Variants in ATOSB observed in about 807,000 individuals in gnomAD.
The protein encoded by ATOSB is atos homolog B.
At chr9:35,113,870 A>G in the ATOSB span, among the ~76,000 whole-genome samples, 1 of 152,142 alleles carries the variant, frequency 6.6e-6, no homozygotes, top group Non-Finnish European at 1.5e-5. Context: ...GCAATGTTCA[A>G]TAAACATTGA....
the ATOSB span, chr9:35,106,579 GAAC>G: frequency 1.3e-6 from 2 of 1,571,014 alleles, no homozygotes; most frequent in Admixed American, 3.8e-5. The surrounding 1 kb of genome is among the most constrained non-coding windows in gnomAD (Gnocchi z 4.6). Context: ...GCAGGGGTAG[GAAC>G]AGGGGAGGCA....
At chr9:35,106,361 A>T in the ATOSB span, 1 of 1,614,200 alleles carries the variant, frequency 6.2e-7, no homozygotes. The surrounding 1 kb of genome is among the most constrained non-coding windows in gnomAD (Gnocchi z 4.6). Context: ...TTCTGCTGTG[A>T]AGCCCTCAAT....
At chr9:35,114,774 T>C in the ATOSB span, among the ~76,000 whole-genome samples, 1 of 152,082 alleles carries the variant, frequency 6.6e-6, no homozygotes, top group Non-Finnish European at 1.5e-5. Context: ...ACAGAAGCCC[T>C]AGCGTTCCCT....
chr9:35,104,832 G>A, the ATOSB span: 1 of 174,506 alleles, frequency 5.7e-6, no homozygotes, highest in East Asian at 1.9e-4. Context: ...ATTATCAGGT[G>A]TGGGAGGTTA....
At chr9:35,109,827 TC>T in the ATOSB span, 67 of 152,440 alleles carry the variant, frequency 4.4e-4, no homozygotes, top group African/African-American at 1.6e-3. Flanking sequence ...GGGTAAGGCA[TC>T]TTCTAGACCG....
the ATOSB span, chr9:35,106,851 C>G: frequency 1.9e-6 from 3 of 1,572,076 alleles, no homozygotes; most frequent in South Asian, 2.3e-5. The surrounding 1 kb of genome is among the most constrained non-coding windows in gnomAD (Gnocchi z 4.6). Context: ...GCGACGGGCT[C>G]CTTTCAGCCT....
At chr9:35,108,395 T>G in the ATOSB span, 1 of 1,411,850 alleles carries the variant, frequency 7.1e-7, no homozygotes, top group Non-Finnish European at 9.2e-7. Flanking sequence ...AATCAATGAG[T>G]CTTCTTCCTT....
chr9:35,108,271 G>A, the ATOSB span: 16 of 1,544,728 alleles, frequency 1.0e-5, no homozygotes, highest in Non-Finnish European at 1.3e-5. Flanking sequence ...TGCACGTGGC[G>A]CATGAAGCCC....
chr9:35,110,317 T>G, the ATOSB span: 1 of 152,500 alleles, frequency 6.6e-6, no homozygotes, highest in Admixed American at 6.5e-5. Flanking sequence ...GCCATACAGA[T>G]TCAGGAGGGG....
chr9:35,111,749 G>A, the ATOSB span, among the ~76,000 whole-genome samples: 1 of 152,172 alleles, frequency 6.6e-6, no homozygotes, highest in Admixed American at 6.6e-5. Flanking sequence ...CCCCCTCCAA[G>A]AGGCACACGC....
At chr9:35,113,492 C>T in the ATOSB span, among the ~76,000 whole-genome samples, 6 of 151,982 alleles carry the variant, frequency 3.9e-5, no homozygotes, top group African/African-American at 1.2e-4. Context: ...AGTGTGGTGG[C>T]GCGCACCTGT....
At chr9:35,105,397 A>G in the ATOSB span, 1 of 1,593,410 alleles carries the variant, frequency 6.3e-7, no homozygotes, top group Non-Finnish European at 8.6e-7. The surrounding 1 kb of genome is among the most constrained non-coding windows in gnomAD (Gnocchi z 5.5). Flanking sequence ...AATGTGATCA[A>G]CGTAAGAATC....
the ATOSB span, among the ~76,000 whole-genome samples, chr9:35,113,514 C>T: frequency 6.6e-6 from 1 of 152,148 alleles, no homozygotes; most frequent in Non-Finnish European, 1.5e-5. Context: ...ATCCCAGCTA[C>T]TCAGGAGGCT....
chr9:35,112,874 A>T, the ATOSB span, among the ~76,000 whole-genome samples: 2 of 152,004 alleles, frequency 1.3e-5, no homozygotes, highest in African/African-American at 4.8e-5. Context: ...TAGATAGTAA[A>T]AAGAGGCTCC....
the ATOSB span, among the ~76,000 whole-genome samples, chr9:35,114,020 G>C: frequency 6.6e-6 from 1 of 152,190 alleles, no homozygotes; most frequent in African/African-American, 2.4e-5. Context: ...TGAGGTGTTT[G>C]TATAAACAAT....
the ATOSB span, chr9:35,106,730 T>C: frequency 6.8e-7 from 1 of 1,470,396 alleles, no homozygotes; most frequent in African/African-American, 1.4e-5. The surrounding 1 kb of genome is among the most constrained non-coding windows in gnomAD (Gnocchi z 4.6). Context: ...TCTGCCACTA[T>C]GTAGGGCTTC....
chr9:35,109,788 A>G, the ATOSB span: 1 of 152,296 alleles, frequency 6.6e-6, no homozygotes. Flanking sequence ...ACTTCCTGTA[A>G]GCTCACTAAC....
At chr9:35,104,557 CACAT>C in the ATOSB span, 1 of 347,516 alleles carries the variant, frequency 2.9e-6, no homozygotes, top group Non-Finnish European at 6.2e-6. Flanking sequence ...CACTCACACA[CACAT>C]ACCACACAAA....
At chr9:35,105,591 C>G in the ATOSB span, 1 of 1,361,292 alleles carries the variant, frequency 7.3e-7, no homozygotes, top group Non-Finnish European at 1.0e-6. The surrounding 1 kb of genome is among the most constrained non-coding windows in gnomAD (Gnocchi z 5.5). Flanking sequence ...ATAAACTAAG[C>G]AAGAATCCGG....
Sources: allele counts gnomAD v4.1 joint callset (sites outside exome capture counted in the v4.1 genomes callset), GRCh38; gene constraint gnomAD v4.1.1; non-coding constraint Gnocchi (gnomAD v3.1); transcripts MANE v1.5; gene names NCBI Gene and HGNC (gene_info 2026-07-23, HGNC 2026-07-21).